GAS7: variants seen among roughly 807,000 people sequenced by gnomAD.
GAS7 encodes the protein growth arrest specific 7, also known as growth arrest-specific protein 7.
Under a neutral mutation model 71.1 loss-of-function variants are expected in GAS7, and 28 were observed. That is an observed-to-expected ratio of 0.39 (90% CI 0.29 to 0.54). The LOEUF is 0.54. Among genes scored for constraint, GAS7 ranks in the 20% least tolerant of loss-of-function variants. The pLI is 0.62. For missense variants in GAS7, 436 were observed against 627.8 expected, an observed-to-expected ratio of 0.69 and a Z score of 3.27; for synonymous variants, 258 against 245.8, an observed-to-expected ratio of 1.05 and a Z score of -0.46.
At chr17:9,976,170 C>A (rs1397864869) in intron 3 of GAS7, among the ~76,000 whole-genome samples, 1 of 152,254 alleles carries the variant, frequency 6.6e-6, no homozygotes, top group Admixed American at 6.5e-5. Context: ...TTCCCAAAGA[C>A]AGACTGATAA....
intron 1 of GAS7, among the ~76,000 whole-genome samples, chr17:10,180,444 C>T (rs1033005141): frequency 6.6e-6 from 1 of 151,978 alleles, no homozygotes; most frequent in Admixed American, 6.6e-5. Flanking sequence ...CTAAACACCA[C>T]GCTCATCACC....
intron 1 of GAS7, among the ~76,000 whole-genome samples, chr17:10,101,108 C>A (rs367656038): frequency 4.0e-5 from 6 of 151,644 alleles, no homozygotes; most frequent in Non-Finnish European, 4.4e-5. Flanking sequence ...ATCTCAAAAA[C>A]AAAAAAAACC....
At chr17:9,927,635 G>A (rs573662256) in intron 9 of GAS7, among the ~76,000 whole-genome samples, 9 of 152,112 alleles carry the variant, frequency 5.9e-5, no homozygotes, top group South Asian at 2.1e-4. Context: ...CCACATCAGC[G>A]TCTGTGTCTC....
At chr17:10,064,647 C>G (rs1320305036) in intron 1 of GAS7, among the ~76,000 whole-genome samples, 5 of 152,230 alleles carry the variant, frequency 3.3e-5, no homozygotes, top group African/African-American at 9.6e-5. Context: ...GATGGTCACG[C>G]TGACAACTCG....
chr17:9,972,627 C>CA (rs11426927), intron 3 of GAS7, among the ~76,000 whole-genome samples: 68,379 of 152,030 alleles, frequency 0.45, 15,603 homozygotes, highest in South Asian at 0.5. Flanking sequence ...AGCCCTGGAA[C>CA]ATGTAAAAAC....
At chr17:10,111,748 G>T (rs978470482) in intron 1 of GAS7, among the ~76,000 whole-genome samples, 26 of 152,158 alleles carry the variant, frequency 1.7e-4, no homozygotes, top group Non-Finnish European at 1.5e-5. Flanking sequence ...TCCTTGGTGG[G>T]TCTGGCAGCC....
intron 1 of GAS7, among the ~76,000 whole-genome samples, chr17:10,165,322 G>C (rs146378918): frequency 0.014 from 2,017 of 141,702 alleles, 40 homozygotes; most frequent in African/African-American, 0.049. Context: ...GAAAACAAAA[G>C]AAAAGTTTAA....
chr17:10,120,993 T>C (rs1013285060), intron 1 of GAS7, among the ~76,000 whole-genome samples: 1 of 151,764 alleles, frequency 6.6e-6, no homozygotes, highest in Non-Finnish European at 1.5e-5. Flanking sequence ...ATGGCAGGAG[T>C]GGCAGAGCTG....
At chr17:10,086,049 G>A (rs1172292082) in intron 1 of GAS7, among the ~76,000 whole-genome samples, 1 of 152,184 alleles carries the variant, frequency 6.6e-6, no homozygotes, top group Non-Finnish European at 1.5e-5. Flanking sequence ...ATATTGAGGG[G>A]GGTCAACTGT....
chr17:10,195,061 C>T lies in GAS7; in HGVS notation c.183+3147G>A, dbSNP rs191153772. Among the ~76,000 whole-genome samples, 5 of 152,242 alleles carry T rather than the reference C, an allele frequency of 3.3e-5. No homozygotes were observed. The East Asian group carries it at 7.7e-4, about 24-fold the overall frequency. ...GCTGCACCACCCCGAGTAGGAAGAA[C>T]CCTTGTGGCCAGAGTCCTTGGGCCT... On this transcript the variant is annotated intron_variant, in intron 1 of 13. Transcript: ENST00000432992.
intron 1 of GAS7, among the ~76,000 whole-genome samples, chr17:10,137,715 ATTT>A (rs1269313430): frequency 1.3e-5 from 2 of 151,474 alleles, no homozygotes; most frequent in East Asian, 3.9e-4. Flanking sequence ...AATTTTTTGT[ATTT>A]TTAGTAGAGA....
chr17:10,032,571 G>A (rs1380620926), intron 1 of GAS7, among the ~76,000 whole-genome samples: 5 of 152,146 alleles, frequency 3.3e-5, no homozygotes, highest in Admixed American at 1.3e-4. Flanking sequence ...CTAGCCTTGA[G>A]GTCCTATAAC....
At chr17:10,035,056 C>T (rs540108967) in intron 1 of GAS7, among the ~76,000 whole-genome samples, 2 of 152,138 alleles carry the variant, frequency 1.3e-5, no homozygotes, top group South Asian at 4.1e-4. Flanking sequence ...TTGGGGGCAG[C>T]CCACCAACAG....
Position 9,911,261 on chromosome 17 carries a change from A to G in GAS7, c.*5967T>C, listed in dbSNP as rs2067428776. On this transcript the variant is annotated 3_prime_UTR_variant, in exon 14 of 14. Coordinates refer to ENST00000432992, the MANE Select transcript of GAS7 (RefSeq NM_201433.2). The surrounding 1 kb of genome is among the most constrained non-coding windows in gnomAD (Gnocchi z 4.0). ...CACGGAGGTCCCGACAGGGGATGTG[A>G]CTTAACTTCAGGTTATGGGACAAAG... 1 of 233,222 alleles carries G rather than the reference A, an allele frequency of 4.3e-6. No homozygotes were observed. Among genetic ancestry groups the G allele is most frequent in the Non-Finnish European group, 8.5e-6 (1 of 118,148 alleles). 14.4% of individuals were successfully genotyped at this position (233,222 alleles called of 1,614,324 possible). A position where few individuals can be genotyped will look rare whatever the true frequency, so the allele number is the denominator to read the frequency against.
At chr17:10,154,550 C>T (rs1455200345) in intron 1 of GAS7, among the ~76,000 whole-genome samples, 5 of 151,370 alleles carry the variant, frequency 3.3e-5, no homozygotes, top group East Asian at 1.9e-4. Context: ...TAGTGGCTGA[C>T]GCTTGTAATC....
chr17:10,096,008 A>T (rs1439904112), intron 1 of GAS7, among the ~76,000 whole-genome samples: 3 of 151,846 alleles, frequency 2.0e-5, no homozygotes, highest in African/African-American at 7.3e-5. Flanking sequence ...TTGGGGCTCC[A>T]TCCCTGGTCC....
intron 1 of GAS7, among the ~76,000 whole-genome samples, chr17:10,154,361 A>G (rs1456732587): frequency 6.6e-6 from 1 of 151,952 alleles, no homozygotes; most frequent in Non-Finnish European, 1.5e-5. Context: ...AAATTTAGCC[A>G]GGCATGGTAG....
intron 1 of GAS7, chr17:10,036,337 C>T: frequency 9.3e-7 from 1 of 1,070,296 alleles, no homozygotes; most frequent in Non-Finnish European, 1.4e-6. Flanking sequence ...TCTCAGTTTT[C>T]AGAGCTGCCT....
chr17:9,942,361 T>C (rs1410485999), intron 7 of GAS7, among the ~76,000 whole-genome samples: 1 of 148,660 alleles, frequency 6.7e-6, no homozygotes, highest in Non-Finnish European at 1.5e-5. Context: ...GGGTGATAGG[T>C]GGGTATGTGC....
Sources: allele counts gnomAD v4.1 joint callset (sites outside exome capture counted in the v4.1 genomes callset), GRCh38; gene constraint gnomAD v4.1.1; non-coding constraint Gnocchi (gnomAD v3.1); transcripts MANE v1.5; gene names NCBI Gene and HGNC (gene_info 2026-07-23, HGNC 2026-07-21).